Variants in TUT4 observed in about 807,000 individuals in gnomAD.
TUT4 encodes the protein terminal uridylyltransferase 4.
Under a neutral mutation model 192.2 loss-of-function variants are expected in TUT4, and 36 were observed. The ratio of observed to expected loss-of-function variants is 0.19; its 90% CI spans 0.14 to 0.25. The LOEUF is 0.25. Among genes scored for constraint, TUT4 ranks in the 10% least tolerant of loss-of-function variants. The pLI is 1.00. For synonymous variants in TUT4, 618 were observed against 666.0 expected, an observed-to-expected ratio of 0.93 and a Z score of 1.11; for missense variants, 1,493 against 1,957.2, an observed-to-expected ratio of 0.76 and a Z score of 4.47.
intron 4 of TUT4, among the ~76,000 whole-genome samples, chr1:52,501,702 C>T (rs1484375231): frequency 2.0e-5 from 3 of 152,102 alleles, no homozygotes; most frequent in Non-Finnish European, 4.4e-5. Context: ...ATGGTGGAAA[C>T]AACCCAAGTG....
rs778000459 is a variant in TUT4 at position 52,481,816 on chromosome 1, T to A, written c.1623A>T (p.Leu541Phe). 4 of 1,587,042 alleles carry A rather than the reference T, an allele frequency of 2.5e-6. No homozygotes were observed. The highest frequency in any genetic ancestry group is 3.4e-6 in the Non-Finnish European group (4 of 1,172,712). The change falls in exon 10 of 30, where the codon TTA (leucine) becomes TTT (phenylalanine). Residue 541 changes from leucine (L) to phenylalanine (F), a missense_variant. Leu to Phe is a conservative substitution (Grantham distance 22). Transcript: ENST00000257177. ...QQRKPPLLPC[L>F]LGSWIEGFDP... ...AATTCATGCTTACCCAACTTCCAAGTAAGCAAGGAAGAAGAGGGGGTTTTC... is the reference window on the plus strand; with the variant it reads ...AATTCATGCTTACCCAACTTCCAAGAAAGCAAGGAAGAAGAGGGGGTTTTC...
rs771331613 is a variant in TUT4 at position 52,471,008 on chromosome 1, CT to C, written c.2878+943del. On this transcript the variant is annotated intron_variant, in intron 14 of 29. Coordinates refer to ENST00000257177, the MANE Select transcript of TUT4 (RefSeq NM_001009881.3). ...CCCCAAACAAATTATGCACTCTATGCTTTTTTTTTTTTTTTTTTTTTTTTTT... is the reference window on the plus strand; with the variant it reads ...CCCCAAACAAATTATGCACTCTATGCTTTTTTTTTTTTTTTTTTTTTTTTT... Among the ~76,000 whole-genome samples, 307 of 82,148 alleles carry C rather than the reference CT, an allele frequency of 3.7e-3. 2 individuals carry two copies. Among genetic ancestry groups the C allele is most frequent in the East Asian group, 0.022 (62 of 2,852 alleles). 53.9% of individuals were successfully genotyped at this position (82,148 alleles called of 152,430 possible).
At chr1:52,504,765 G>C (rs754488022) in intron 4 of TUT4, among the ~76,000 whole-genome samples, 1 of 152,016 alleles carries the variant, frequency 6.6e-6, no homozygotes, top group Non-Finnish European at 1.5e-5. Context: ...CAAACCTATG[G>C]CAAGCACTAT....
At chr1:52,442,167 C>CA (rs58552556) in intron 24 of TUT4, among the ~76,000 whole-genome samples, 2,618 of 76,116 alleles carry the variant, frequency 0.034, 58 homozygotes, top group Middle Eastern at 0.06. Context: ...GACTCCACCT[C>CA]AAAAAAAAAA....
intron 1 of TUT4, among the ~76,000 whole-genome samples, chr1:52,549,868 C>T (rs775862974): frequency 5.3e-5 from 8 of 152,036 alleles, no homozygotes; most frequent in Non-Finnish European, 8.8e-5. Flanking sequence ...AGTTTTGGTT[C>T]CCTTCTCTCT....
intron 1 of TUT4, among the ~76,000 whole-genome samples, chr1:52,535,441 A>G (rs1684649867): frequency 6.6e-6 from 1 of 152,108 alleles, no homozygotes; most frequent in African/African-American, 2.4e-5. Flanking sequence ...ATTTCTAAAG[A>G]CCACTAATAT....
chr1:52,488,128 G>A (rs1670254778), intron 9 of TUT4, among the ~76,000 whole-genome samples: 1 of 152,094 alleles, frequency 6.6e-6, no homozygotes, highest in Non-Finnish European at 1.5e-5. Context: ...TCCAAGCATG[G>A]GGGCAATTCT....
At chr1:52,435,941 C>A (rs973079589) in intron 26 of TUT4, among the ~76,000 whole-genome samples, 3 of 152,014 alleles carry the variant, frequency 2.0e-5, no homozygotes, top group Non-Finnish European at 4.4e-5. Context: ...CTCACACACA[C>A]ACAAACCTTT....
At chr1:52,529,785 A>G (rs1223818311) in intron 1 of TUT4, 8 of 152,190 alleles carry the variant, frequency 5.3e-5, no homozygotes, top group African/African-American at 1.9e-4. Flanking sequence ...AGATCAATGT[A>G]CCCGGAGAGT....
In TUT4 at chr1:52,525,945, G is replaced by T; in HGVS notation, c.336C>A (p.Thr112=). 1 of 1,614,070 alleles carries T rather than the reference G, an allele frequency of 6.2e-7. No individual in the cohort carries two copies. The highest frequency in any genetic ancestry group is 8.5e-7 in the Non-Finnish European group (1 of 1,180,012). The change falls in exon 2 of 30, where the codon ACC becomes ACA. Residue 112 remains threonine (T), a synonymous_variant. Coordinates refer to ENST00000257177, the MANE Select transcript of TUT4 (RefSeq NM_001009881.3). ...PNSPVKAEKA[T]ISQAKSEKAT... ...CCTTTTCTGATTTTGCCTGTGAAAT[G>T]GTTGCCTTTTCGGCTTTCACCGGTG...
intron 7 of TUT4, among the ~76,000 whole-genome samples, chr1:52,491,893 G>A (rs1671256714): frequency 6.6e-6 from 1 of 152,132 alleles, no homozygotes; most frequent in Non-Finnish European, 1.5e-5. Flanking sequence ...AGGGGTTTGG[G>A]ACACAAATAT....
chr1:52,537,639 G>A (rs143453407), intron 1 of TUT4, among the ~76,000 whole-genome samples: 223 of 152,308 alleles, frequency 1.5e-3, no homozygotes, highest in South Asian at 4.8e-3. Context: ...CTGGCTCAGC[G>A]CGGTGGCTCA....
At chr1:52,490,591 T>C in intron 8 of TUT4, 141 bp downstream of exon 8, 1 of 592,508 alleles carries the variant, frequency 1.7e-6, no homozygotes, top group Non-Finnish European at 2.9e-6. Flanking sequence ...AGCTTGCTAT[T>C]TTTAATGAAT....
chr1:52,459,448 G>C (rs1279084971), intron 19 of TUT4, among the ~76,000 whole-genome samples: 1 of 152,060 alleles, frequency 6.6e-6, no homozygotes, highest in Non-Finnish European at 1.5e-5. Flanking sequence ...AAATAGTTGG[G>C]CATGGTGGCA....
intron 2 of TUT4, among the ~76,000 whole-genome samples, chr1:52,525,343 C>CG (rs1458913003): frequency 2.0e-5 from 3 of 148,816 alleles, no homozygotes. Flanking sequence ...AGTCTTTGTA[C>CG]CTACCATAAT....
chr1:52,493,361 G>A (rs1671665681), intron 7 of TUT4, among the ~76,000 whole-genome samples: 1 of 151,880 alleles, frequency 6.6e-6, no homozygotes, highest in Non-Finnish European at 1.5e-5. Flanking sequence ...GGGATTACAG[G>A]TGTGAGCCAC....
At chr1:52,534,854 C>A (rs1225379379) in intron 1 of TUT4, 2 of 152,228 alleles carry the variant, frequency 1.3e-5, no homozygotes, top group East Asian at 1.9e-4. Flanking sequence ...CAGTGCAACA[C>A]CCCGTCCCCA....
In TUT4 at chr1:52,489,810, T is replaced by C. The variant is rs544883506; in HGVS notation, c.1389-775A>G. Among the ~76,000 whole-genome samples the C allele has an allele frequency of 2.0e-5, 3 of 152,336 alleles. No homozygotes were observed. In the South Asian group the frequency reaches 6.2e-4, roughly 32 times the overall value. ...ACCACTCCAGGTCCCATTTTTCTAG[T>C]TTAGAAAATAAATCTGAACTAGATC... On this transcript the variant is annotated intron_variant, in intron 8 of 29. Coordinates refer to ENST00000257177, the MANE Select transcript of TUT4 (RefSeq NM_001009881.3).
chr1:52,507,970 C>T (rs946361733), intron 4 of TUT4, among the ~76,000 whole-genome samples: 1 of 152,006 alleles, frequency 6.6e-6, no homozygotes, highest in Non-Finnish European at 1.5e-5. Flanking sequence ...GCCACCATGC[C>T]CAGCTAATTT....
Sources: allele counts gnomAD v4.1 joint callset (sites outside exome capture counted in the v4.1 genomes callset), GRCh38; gene constraint gnomAD v4.1.1; transcripts MANE v1.5; gene names NCBI Gene and HGNC (gene_info 2026-07-23, HGNC 2026-07-21).